SWT1: variants seen among roughly 807,000 people sequenced by gnomAD.
SWT1 encodes SWT1 RNA endoribonuclease homolog, also known as transcriptional protein SWT1.
SWT1 carries 33 observed loss-of-function variants against 107.3 expected under a neutral mutation model. The observed-to-expected ratio is 0.31, with a 90% CI of 0.23 to 0.41. The LOEUF is 0.41. Among genes scored for constraint, SWT1 ranks in the 10% least tolerant of loss-of-function variants. The probability of loss-of-function intolerance (pLI) is 1.00; values close to 1 mark genes in which losing one functional copy is unlikely to be tolerated. For missense variants in SWT1, 898 were observed against 1,028.9 expected (o/e 0.87, Z 1.74); for synonymous variants, 345 against 348.3 (o/e 0.99, Z 0.11).
intron 16 of SWT1, among the ~76,000 whole-genome samples, chr1:185,238,700 A>G (rs1475788513): frequency 6.6e-6 from 1 of 152,146 alleles, no homozygotes; most frequent in African/African-American, 2.4e-5. Flanking sequence ...ATCAACAGGA[A>G]ACTACAAAAT....
In SWT1 at chr1:185,202,064, C is replaced by G. The variant is rs542716271; in HGVS notation, c.1524-590C>G. On this transcript the variant is annotated intron_variant, in intron 10 of 18. Coordinates refer to ENST00000367500, the MANE Select transcript of SWT1 (RefSeq NM_017673.7). Reference sequence around the variant, plus strand: ...GGCCTCCAGAACAATTTAATAAACACAGATACGATCATGTCATTTTCCCAC... The same window carrying G: ...GGCCTCCAGAACAATTTAATAAACAGAGATACGATCATGTCATTTTCCCAC... Among the ~76,000 whole-genome samples, 8 of 152,286 alleles carry G rather than the reference C, an allele frequency of 5.3e-5. No homozygotes were observed. The East Asian group carries it at 9.6e-4, about 18-fold the overall frequency.
intron 16 of SWT1, among the ~76,000 whole-genome samples, chr1:185,239,734 A>G (rs1397619018): frequency 6.6e-6 from 1 of 151,982 alleles, no homozygotes; most frequent in Non-Finnish European, 1.5e-5. Flanking sequence ...AAAGTGTTTT[A>G]AGATTTGTTT....
chr1:185,202,906 A>G, intron 11 of SWT1, 107 bp downstream of exon 11: 1 of 579,926 alleles, frequency 1.7e-6, no homozygotes, highest in Non-Finnish European at 2.7e-6. Flanking sequence ...ATTTAAAATA[A>G]CATCGTTTGG....
At chr1:185,268,989 A>T (rs1030112066) in intron 16 of SWT1, among the ~76,000 whole-genome samples, 2 of 151,000 alleles carry the variant, frequency 1.3e-5, no homozygotes, top group African/African-American at 2.4e-5. Flanking sequence ...AGTAGCTGGG[A>T]CTACAGGCGC....
At chr1:185,190,679 A>C in intron 10 of SWT1, 37 bp downstream of exon 10, 1 of 1,204,626 alleles carries the variant, frequency 8.3e-7, no homozygotes, top group Non-Finnish European at 1.2e-6. Flanking sequence ...TATTTTTAAA[A>C]AATAAACCAA....
chr1:185,194,579 A>G (rs1189159681), intron 10 of SWT1, among the ~76,000 whole-genome samples: 1 of 152,098 alleles, frequency 6.6e-6, no homozygotes, highest in Non-Finnish European at 1.5e-5. Context: ...TTTAAAAAAA[A>G]AAAAGTCTTT....
At position 185,206,412 on chromosome 1, in the gene SWT1, C is replaced by T. The variant is rs114987850; in HGVS notation, c.1834-213C>T. 7.2e-3 allele frequency among the ~76,000 whole-genome samples: 1,100 copies of T among 152,222 alleles called. 13 individuals carry two copies. The highest frequency in any genetic ancestry group is 0.025 in the African/African-American group (1,056 of 41,516). On this transcript the variant is annotated intron_variant, in intron 12 of 18. Transcript: ENST00000367500. ...TTTCTTTTTTGCACAGTTTCTGAAA[C>T]TATTAAGATTAATACTAACATGAGT...
intron 4 of SWT1, among the ~76,000 whole-genome samples, chr1:185,170,391 C>G (rs954883101): frequency 1.3e-5 from 2 of 152,220 alleles, no homozygotes; most frequent in Non-Finnish European, 2.9e-5. Context: ...AGGCACACCA[C>G]TGTTTGTACA....
intron 16 of SWT1, among the ~76,000 whole-genome samples, chr1:185,257,674 A>G (rs1468550002): frequency 6.6e-6 from 1 of 152,158 alleles, no homozygotes; most frequent in African/African-American, 2.4e-5. Flanking sequence ...ACCTGTGCCC[A>G]CTGTCTGGCA....
chr1:185,225,969 A>G (rs1173108887), intron 15 of SWT1, among the ~76,000 whole-genome samples: 4 of 152,226 alleles, frequency 2.6e-5, no homozygotes, highest in African/African-American at 9.6e-5. Context: ...AGGACTAACA[A>G]TAATATTTAC....
intron 17 of SWT1, among the ~76,000 whole-genome samples, chr1:185,274,972 C>T (rs1204897479): frequency 2.6e-5 from 4 of 152,054 alleles, no homozygotes; most frequent in Non-Finnish European, 5.9e-5. Flanking sequence ...CTACTATAAC[C>T]TGGAATTATG....
intron 15 of SWT1, among the ~76,000 whole-genome samples, chr1:185,229,643 C>T (rs1014979320): frequency 1.3e-5 from 2 of 151,786 alleles, no homozygotes; most frequent in Non-Finnish European, 2.9e-5. Context: ...ACAACCACAC[C>T]TCCACACACA....
chr1:185,262,968 G>A (rs2102699786), intron 16 of SWT1, among the ~76,000 whole-genome samples: 1 of 151,784 alleles, frequency 6.6e-6, no homozygotes, highest in East Asian at 1.9e-4. Flanking sequence ...TGTATTTTTT[G>A]TAGAGACGGG....
Position 185,167,759 on chromosome 1 carries a change from G to C in SWT1, c.166-581G>C, listed in dbSNP as rs144501425. Among the ~76,000 whole-genome samples the C allele has an allele frequency of 4.6e-3, 700 of 152,124 alleles. 5 individuals carry two copies. Among genetic ancestry groups the C allele is most frequent in the African/African-American group, 0.016 (666 of 41,492 alleles). On this transcript the variant is annotated intron_variant, in intron 3 of 18. Transcript: ENST00000367500. ...TTTTCTTTCTGCTGAATTTATACCA[G>C]TTATCCTCAGTTTCTCAGAATGCCT...
chr1:185,262,335 A>G (rs1413923188), intron 16 of SWT1: 6 of 152,272 alleles, frequency 3.9e-5, no homozygotes, highest in Non-Finnish European at 8.8e-5. Flanking sequence ...AACCCTGATC[A>G]TAGAACTGGC....
intron 13 of SWT1, among the ~76,000 whole-genome samples, chr1:185,213,561 C>G (rs1415924018): frequency 1.3e-5 from 2 of 152,082 alleles, no homozygotes; most frequent in Non-Finnish European, 2.9e-5. Context: ...AGAGAAACTC[C>G]TTATTGTTTT....
chr1:185,277,995 T>C (rs184920699), intron 18 of SWT1, among the ~76,000 whole-genome samples: 11 of 152,250 alleles, frequency 7.2e-5, no homozygotes, highest in Admixed American at 5.9e-4. Context: ...TAATCTTCTT[T>C]TTGTCTTTTT....
intron 4 of SWT1, among the ~76,000 whole-genome samples, chr1:185,172,107 G>A (rs754678652): frequency 4.6e-5 from 7 of 152,120 alleles, no homozygotes; most frequent in Non-Finnish European, 1.0e-4. Flanking sequence ...ACTGCCTCTT[G>A]GGTGCCTACC....
chr1:185,213,560 C>G (rs1252709614), intron 13 of SWT1, among the ~76,000 whole-genome samples: 6 of 152,088 alleles, frequency 3.9e-5, no homozygotes, highest in Non-Finnish European at 1.5e-5. Context: ...CAGAGAAACT[C>G]CTTATTGTTT....
Sources: allele counts gnomAD v4.1 joint callset (sites outside exome capture counted in the v4.1 genomes callset), GRCh38; gene constraint gnomAD v4.1.1; transcripts MANE v1.5; gene names NCBI Gene and HGNC (gene_info 2026-07-23, HGNC 2026-07-21).